The following RASGRP3 variants were observed in gnomAD, a reference collection of about 807,000 sequenced individuals.
The protein encoded by RASGRP3 is RAS guanyl releasing protein 3, also known as ras guanyl-releasing protein 3.
In RASGRP3, 54 loss-of-function variants were observed where a neutral mutation model predicts 82.7. That is an observed-to-expected ratio of 0.65 (90% CI 0.52 to 0.82). RASGRP3 has a LOEUF of 0.82. Among genes scored for constraint, RASGRP3 ranks in the 40% least tolerant of loss-of-function variants. The probability of loss-of-function intolerance (pLI) is 0.00; values close to 1 mark genes in which losing one functional copy is unlikely to be tolerated. For synonymous variants in RASGRP3, 309 were observed against 300.5 expected (o/e 1.03, Z -0.29); for missense variants, 861 against 828.9 (o/e 1.04, Z -0.48).
chr2:33,465,686 GGAA>G (rs1418884999), intron 2 of RASGRP3, among the ~76,000 whole-genome samples: 2 of 152,176 alleles, frequency 1.3e-5, no homozygotes, highest in Non-Finnish European at 2.9e-5. Flanking sequence ...GCCTTAAATT[GGAA>G]GAAGATGTCA....
chr2:33,493,375 G>A (rs1462816932), intron 1 of RASGRP3, among the ~76,000 whole-genome samples: 1 of 152,212 alleles, frequency 6.6e-6, no homozygotes, highest in Non-Finnish European at 1.5e-5. Context: ...ACCTGGGAGA[G>A]CAGGGGCAGA....
At position 33,538,519 on chromosome 2, in the gene RASGRP3, T is replaced by C. The variant is rs1332506889; in HGVS notation, c.1162-575T>C. Among the ~76,000 whole-genome samples, 6 of 151,566 alleles carry C rather than the reference T, an allele frequency of 4.0e-5. No homozygotes were observed. In the East Asian group the frequency reaches 1.2e-3, roughly 29 times the overall value. ...CTCTGTCTCAAAATAAATAAATAAA[T>C]AAATAAATAATAAAAATAAAATAAT... On this transcript the variant is annotated intron_variant, in intron 11 of 17. Transcript: ENST00000403687.
At chr2:33,457,594 G>A (rs1448152679) in intron 2 of RASGRP3, among the ~76,000 whole-genome samples, 1 of 151,146 alleles carries the variant, frequency 6.6e-6, no homozygotes, top group Non-Finnish European at 1.5e-5. Context: ...TATTACAAAT[G>A]TCACGTCATT....
At chr2:33,480,904 T>C (rs1402529546) in intron 1 of RASGRP3, among the ~76,000 whole-genome samples, 2 of 152,216 alleles carry the variant, frequency 1.3e-5, no homozygotes, top group Non-Finnish European at 1.5e-5. Flanking sequence ...CTTTGATCTT[T>C]GAGCTCATCT....
intron 2 of RASGRP3, among the ~76,000 whole-genome samples, chr2:33,449,798 G>A (rs910355535): frequency 3.3e-5 from 5 of 152,016 alleles, no homozygotes; most frequent in Non-Finnish European, 5.9e-5. Flanking sequence ...AAATATTTAT[G>A]ATATATAGCA....
At chr2:33,492,106 C>A (rs1472047589) in intron 1 of RASGRP3, among the ~76,000 whole-genome samples, 1 of 152,222 alleles carries the variant, frequency 6.6e-6, no homozygotes, top group Non-Finnish European at 1.5e-5. Context: ...ATTTTTGTGA[C>A]TCCAAACAAC....
At chr2:33,484,107 C>T (rs1307077037) in intron 1 of RASGRP3, among the ~76,000 whole-genome samples, 2 of 152,100 alleles carry the variant, frequency 1.3e-5, no homozygotes, top group East Asian at 3.9e-4. Flanking sequence ...ACCAAGTTTC[C>T]TTGGAGTCTT....
At chr2:33,559,563 T>G (rs1676413975) in intron 17 of RASGRP3, 1 of 516,332 alleles carries the variant, frequency 1.9e-6, no homozygotes, top group African/African-American at 1.9e-5. Flanking sequence ...ATGAGCAAAA[T>G]CATGCAAAGC....
intron 15 of RASGRP3, 86 bp downstream of exon 15, chr2:33,555,653 T>G: frequency 1.3e-5 from 15 of 1,188,918 alleles, no homozygotes; most frequent in Non-Finnish European, 1.8e-5. Flanking sequence ...ACAAAAGCTC[T>G]TGCCATTATT....
intron 14 of RASGRP3, among the ~76,000 whole-genome samples, chr2:33,553,696 C>G (rs1354390330): frequency 6.6e-6 from 1 of 152,156 alleles, no homozygotes; most frequent in Non-Finnish European, 1.5e-5. Context: ...CTTCCTGTCC[C>G]TAAGACAAAA....
chr2:33,456,425 C>G (rs57810463), intron 2 of RASGRP3, among the ~76,000 whole-genome samples: 1,871 of 152,274 alleles, frequency 0.012, 35 homozygotes, highest in African/African-American at 0.043. Context: ...CAATTGCTTA[C>G]ATAATCCATA....
At chr2:33,512,131 C>CA (rs1416749572) in intron 2 of RASGRP3, among the ~76,000 whole-genome samples, 1 of 152,228 alleles carries the variant, frequency 6.6e-6, no homozygotes, top group African/African-American at 2.4e-5. Flanking sequence ...AGCAGAGACT[C>CA]AGACACATCT....
At chr2:33,443,214 A>T (rs1439970527) in intron 1 of RASGRP3, among the ~76,000 whole-genome samples, 1 of 152,214 alleles carries the variant, frequency 6.6e-6, no homozygotes, top group African/African-American at 2.4e-5. Flanking sequence ...TCATTTTAAT[A>T]GCAATGGGCA....
chr2:33,492,932 C>G (rs1339876730), intron 1 of RASGRP3: 1 of 152,168 alleles, frequency 6.6e-6, no homozygotes, highest in Non-Finnish European at 1.5e-5. Context: ...AGTAGGTCAG[C>G]CAGTAGTACC....
intron 2 of RASGRP3, among the ~76,000 whole-genome samples, chr2:33,467,621 A>T (rs556332869): frequency 6.6e-6 from 1 of 152,346 alleles, no homozygotes; most frequent in East Asian, 1.9e-4. Context: ...AGTGCTTCAA[A>T]TTAACAGCAG....
intron 1 of RASGRP3, among the ~76,000 whole-genome samples, chr2:33,478,798 A>G (rs1667612653): frequency 6.6e-6 from 1 of 152,250 alleles, no homozygotes; most frequent in Non-Finnish European, 1.5e-5. Flanking sequence ...CAAGGCTTCC[A>G]TCATAATTTC....
At chr2:33,439,466 T>G (rs1052377682) in intron 1 of RASGRP3, among the ~76,000 whole-genome samples, 5 of 152,114 alleles carry the variant, frequency 3.3e-5, no homozygotes, top group Non-Finnish European at 7.4e-5. Context: ...GCCCAAGGAA[T>G]AGGGCTGTCA....
rs1485697457 is a variant in RASGRP3 at position 33,534,383 on chromosome 2, C to A, written c.1144C>A (p.Pro382Thr). 3 of 1,568,778 alleles carry A rather than the reference C, an allele frequency of 1.9e-6. No individual in the cohort carries two copies. The highest frequency in any genetic ancestry group is 1.3e-5 in the African/African-American group (1 of 74,104). ...TTACAAACTGTCACTGGTGCTGGAG[C>A]CTAGAAATTCTAAATCGGTAGGTAT... ...DIYKLSLVLEPRNSKSQPTSP... is the reference protein window; with the variant it reads ...DIYKLSLVLETRNSKSQPTSP... The change falls in exon 11 of 18, where the codon CCT becomes ACT. Residue 382 changes from proline (P) to threonine (T), a missense_variant. Pro to Thr is a conservative substitution (Grantham distance 38). Transcript: ENST00000403687.
chr2:33,523,838 G>A (rs374237160), intron 7 of RASGRP3, 41 bp from the exon 8 acceptor site: 37 of 1,512,812 alleles, frequency 2.4e-5, no homozygotes, highest in Non-Finnish European at 3.1e-5. Context: ...TTTTACAAAG[G>A]CTCTATTATA....
Sources: gnomAD v4.1 joint callset for allele counts (sites outside exome capture counted in the v4.1 genomes callset) on GRCh38, gnomAD v4.1.1 for gene constraint, MANE v1.5 for transcripts, NCBI Gene and HGNC (gene_info 2026-07-23, HGNC 2026-07-21) for gene names.